ADAMTS2: variants seen among roughly 807,000 people sequenced by gnomAD.
ADAMTS2 encodes the protein ADAM metallopeptidase with thrombospondin type 1 motif 2.
A neutral mutation model predicts 123.0 loss-of-function variants in ADAMTS2; 50 were observed. That is an observed-to-expected ratio of 0.41 (90% CI 0.32 to 0.51). The LOEUF (loss-of-function observed/expected upper bound fraction) is 0.51. Ranked by LOEUF, ADAMTS2 falls within the 20% of genes least tolerant of loss-of-function variation. ADAMTS2 has a pLI of 0.35. For synonymous variants in ADAMTS2, 678 were observed against 695.4 expected, an observed-to-expected ratio of 0.98 and a Z score of 0.39; for missense variants, 1,494 against 1,705.2, an observed-to-expected ratio of 0.88 and a Z score of 2.18.
Position 179,151,713 on chromosome 5 carries a change from A to C in ADAMTS2, c.1629+429T>G, listed in dbSNP as rs975488247. Among the ~76,000 whole-genome samples, 20 of 152,110 alleles carry C rather than the reference A, an allele frequency of 1.3e-4. 1 individual carries two copies. Among genetic ancestry groups the C allele is most frequent in the Admixed American group, 1.3e-3 (20 of 15,278 alleles). Reference sequence around the variant, plus strand: ...GTGGGCCTGGGGCAGCCATCAAGGGACCTCGAAGGACAGTGTGCCCAACAA... The same window carrying C: ...GTGGGCCTGGGGCAGCCATCAAGGGCCCTCGAAGGACAGTGTGCCCAACAA... On this transcript the variant is annotated intron_variant, in intron 10 of 21. Coordinates refer to ENST00000251582, the MANE Select transcript of ADAMTS2 (RefSeq NM_014244.5).
intron 3 of ADAMTS2, among the ~76,000 whole-genome samples, chr5:179,247,393 T>C (rs1765825290): frequency 1.4e-5 from 2 of 145,270 alleles, no homozygotes; most frequent in Non-Finnish European, 3.1e-5. Context: ...AGAGATCAAG[T>C]ACACCAAAAT....
intron 3 of ADAMTS2, among the ~76,000 whole-genome samples, chr5:179,239,171 G>A (rs1765602443): frequency 6.6e-6 from 1 of 152,192 alleles, no homozygotes; most frequent in Admixed American, 6.5e-5. Context: ...TGGGGAGGCA[G>A]GGAGGTCTGC....
intron 5 of ADAMTS2, among the ~76,000 whole-genome samples, chr5:179,174,540 T>C (rs955692085): frequency 6.6e-6 from 1 of 152,250 alleles, no homozygotes; most frequent in Non-Finnish European, 1.5e-5. Flanking sequence ...TGTCACATGA[T>C]AATTTAATTT....
Position 179,167,249 on chromosome 5 carries a change from G to A in ADAMTS2, c.976-8370C>T, listed in dbSNP as rs550080326. On this transcript the variant is annotated intron_variant, in intron 5 of 21. Transcript: ENST00000251582. ...GGGTGCTGCCCCCCGCGCGGGGCGG[G>A]CAGAGGAAGGGCCGGGCCCGAGCGG... is the stretch of plus-strand genomic sequence containing the variant. Among the ~76,000 whole-genome samples, 25 of 152,152 alleles carry A rather than the reference G, an allele frequency of 1.6e-4. No individual in the cohort carries two copies. The South Asian group carries it at 3.5e-3, about 21-fold the overall frequency.
chr5:179,154,858 G>A lies in ADAMTS2; in HGVS notation c.1194C>T (p.Asp398=), dbSNP rs2278221. ...CCACCACAAACGCTGAGGAGAAGCC[G>A]TCCTCATGGTTCAGGGTGCAGCTGC... ...PVRSCTLNHE[D]GFSSAFVVAH... The change falls in exon 7 of 22, where the codon GAC becomes GAT. Residue 398 remains aspartate (D), a synonymous_variant. Coordinates refer to ENST00000251582, the MANE Select transcript of ADAMTS2 (RefSeq NM_014244.5). 393,635 of 1,612,754 alleles carry A rather than the reference G, an allele frequency of 0.24. 50,488 individuals are homozygous for A. The highest frequency in any genetic ancestry group is 0.37 in the East Asian group (16,504 of 44,856).
intron 2 of ADAMTS2, among the ~76,000 whole-genome samples, chr5:179,284,651 T>C (rs1437121066): frequency 1.3e-5 from 2 of 152,314 alleles, no homozygotes; most frequent in East Asian, 3.9e-4. Flanking sequence ...CCTCCCAAAG[T>C]GCTGGGATTA....
At chr5:179,257,910 A>C (rs182625927) in intron 3 of ADAMTS2, among the ~76,000 whole-genome samples, 51 of 152,308 alleles carry the variant, frequency 3.3e-4, no homozygotes, top group Non-Finnish European at 6.8e-4. Flanking sequence ...GATTGTAAGT[A>C]AAATCAATTT....
At chr5:179,261,571 C>T (rs1766225917) in intron 3 of ADAMTS2, among the ~76,000 whole-genome samples, 1 of 152,256 alleles carries the variant, frequency 6.6e-6, no homozygotes, top group Non-Finnish European at 1.5e-5. Flanking sequence ...GAGGTCAGCT[C>T]CCAGGATGTC....
chr5:179,196,490 T>C (rs1050284175), intron 4 of ADAMTS2, among the ~76,000 whole-genome samples: 2 of 152,244 alleles, frequency 1.3e-5, no homozygotes, highest in African/African-American at 2.4e-5. Flanking sequence ...CTGCTCCTCC[T>C]GCTCTGCCGT....
At chr5:179,265,697 C>T (rs1480394924) in intron 3 of ADAMTS2, among the ~76,000 whole-genome samples, 2 of 152,230 alleles carry the variant, frequency 1.3e-5, no homozygotes, top group African/African-American at 2.4e-5. Context: ...CGCCGGCCCC[C>T]GCCCACCCCT....
chr5:179,323,490 A>T (rs1757238592), intron 2 of ADAMTS2, among the ~76,000 whole-genome samples: 1 of 152,238 alleles, frequency 6.6e-6, no homozygotes, highest in African/African-American at 2.4e-5. Flanking sequence ...AGGCCACAGC[A>T]CTTGCCAGGG....
intron 19 of ADAMTS2, among the ~76,000 whole-genome samples, chr5:179,124,561 T>C (rs1762818674): frequency 6.6e-6 from 1 of 152,212 alleles, no homozygotes; most frequent in Non-Finnish European, 1.5e-5. Context: ...CCTCTGCCTG[T>C]GCAGTGAAGA....
At chr5:179,152,298 G>A (rs752170261) in intron 9 of ADAMTS2, 43 bp from the exon 10 acceptor site, 1 of 1,596,136 alleles carries the variant, frequency 6.3e-7, no homozygotes, top group Non-Finnish European at 8.6e-7. Flanking sequence ...TCCCACCTCA[G>A]GGACCTCCCA....
intron 5 of ADAMTS2, among the ~76,000 whole-genome samples, chr5:179,159,889 G>T (rs1217973313): frequency 6.6e-6 from 1 of 152,142 alleles, no homozygotes; most frequent in African/African-American, 2.4e-5. Context: ...CAAAAGCAAG[G>T]CTTCTGTGAG....
In ADAMTS2 at chr5:179,126,043, T is replaced by C. The variant is rs753418792; in HGVS notation, c.2705A>G (p.Lys902Arg). 5.6e-6 allele frequency: 9 copies of C among 1,613,286 alleles called. No individual in the cohort carries two copies. In the East Asian group the frequency reaches 8.9e-5, roughly 16 times the overall value. ...RGFCAALSKP[K>R]AIRRACNPQE... ...TGGGTTGCACGCTCTGCGGATGGCT[T>C]TGGGCTTCGAGAGGGCGGCACAGAA... is the stretch of plus-strand genomic sequence containing the variant. The change falls in exon 18 of 22, where the codon AAA becomes AGA. Residue 902 changes from lysine (K) to arginine (R), a missense_variant. Lys to Arg is a conservative substitution (Grantham distance 26, BLOSUM62 2). Around this residue, in one of 6 missense-constraint regions of ADAMTS2, gnomAD observed 953 missense variants for 1,124.7 expected, o/e 0.85. Coordinates refer to ENST00000251582, the MANE Select transcript of ADAMTS2 (RefSeq NM_014244.5).
At chr5:179,114,810 T>C (rs1466551385) in intron 21 of ADAMTS2, among the ~76,000 whole-genome samples, 1 of 152,142 alleles carries the variant, frequency 6.6e-6, no homozygotes, top group East Asian at 1.9e-4. Context: ...TAAGACCCAA[T>C]ATAGCAAATC....
At position 179,238,899 on chromosome 5, in the gene ADAMTS2, A is replaced by G. The variant is rs74891571; in HGVS notation, c.689-31184T>C. ...CCCCAGGACCCTTCCACCATAGTGC[A>G]GGATTCCTCTTACAGGAAATGCCCC... On this transcript the variant is annotated intron_variant, in intron 3 of 21. Coordinates refer to ENST00000251582, the MANE Select transcript of ADAMTS2 (RefSeq NM_014244.5). Among the ~76,000 whole-genome samples, 627 of 152,212 alleles carry G rather than the reference A, an allele frequency of 4.1e-3. 6 individuals carry two copies. Among genetic ancestry groups the G allele is most frequent in the African/African-American group, 0.014 (597 of 41,540 alleles).
At position 179,320,848 on chromosome 5, in the gene ADAMTS2, G is replaced by A. The variant is rs1406259616; in HGVS notation, c.534+22919C>T. On this transcript the variant is annotated intron_variant, in intron 2 of 21. Transcript: ENST00000251582. The stretch of plus-strand genomic sequence containing the variant: ...TTGGAAAGGAAAAGCTGTTTCCCCC[G>A]GGTTGTTGCCCTGTGAGGAGGTAAT... Among the ~76,000 whole-genome samples the A allele has an allele frequency of 4.6e-5, 7 of 152,160 alleles. No homozygotes were observed. The East Asian group carries it at 5.8e-4, about 13-fold the overall frequency.
intron 5 of ADAMTS2, among the ~76,000 whole-genome samples, chr5:179,166,600 C>T (rs1171526412): frequency 3.5e-5 from 4 of 115,066 alleles, no homozygotes; most frequent in Admixed American, 8.2e-5. Flanking sequence ...CTTGGGTGGA[C>T]GAGTAGGCTG....
Sources: allele counts gnomAD v4.1 joint callset (sites outside exome capture counted in the v4.1 genomes callset), GRCh38; gene constraint gnomAD v4.1.1; regional missense constraint gnomAD v4.1.1; transcripts MANE v1.5; gene names NCBI Gene and HGNC (gene_info 2026-07-23, HGNC 2026-07-21).